The following PDE1A variants were observed in gnomAD, a reference collection of about 807,000 sequenced individuals.
The protein encoded by PDE1A is dual specificity calcium/calmodulin-dependent 3',5'-cyclic nucleotide phosphodiesterase 1A.
PDE1A carries 35 observed loss-of-function variants against 61.7 expected under a neutral mutation model. The ratio of observed to expected loss-of-function variants is 0.57; its 90% CI spans 0.43 to 0.75. The LOEUF (loss-of-function observed/expected upper bound fraction) is 0.75. PDE1A is among the 30% of genes least tolerant of loss of function. The pLI is 0.00. For synonymous variants in PDE1A, 232 were observed against 213.2 expected (o/e 1.09, Z -0.77); for missense variants, 597 against 630.6 (o/e 0.95, Z 0.57).
the PDE1A span, among the ~76,000 whole-genome samples, chr2:182,635,039 T>C: frequency 1.3e-5 from 2 of 151,692 alleles, no homozygotes; most frequent in Non-Finnish European, 2.9e-5. Context: ...GGACAATAAA[T>C]CAATTGGATA....
intron 1 of PDE1A, among the ~76,000 whole-genome samples, chr2:182,392,289 A>AG (rs1305922914): frequency 1.3e-5 from 2 of 152,220 alleles, no homozygotes; most frequent in African/African-American, 4.8e-5. Context: ...CAGCATGTGC[A>AG]GGGGAACTAC....
At chr2:182,608,490 C>T in the PDE1A span, among the ~76,000 whole-genome samples, 12 of 152,190 alleles carry the variant, frequency 7.9e-5, no homozygotes, top group Non-Finnish European at 1.5e-5. Flanking sequence ...CTGGGCTGCG[C>T]CAGGCGCTTG....
intron 2 of PDE1A, among the ~76,000 whole-genome samples, chr2:182,484,941 G>A (rs1687923189): frequency 6.6e-6 from 1 of 151,984 alleles, no homozygotes; most frequent in African/African-American, 2.4e-5. Flanking sequence ...TTCAACCAAT[G>A]TGAAAGACAG....
At chr2:182,692,672 A>AAT in the PDE1A span, among the ~76,000 whole-genome samples, 42 of 147,786 alleles carry the variant, frequency 2.8e-4, no homozygotes, top group South Asian at 8.5e-4. Flanking sequence ...GTATAATAAA[A>AAT]ATATATATAT....
intron 13 of PDE1A, among the ~76,000 whole-genome samples, chr2:182,173,262 T>G (rs1232757669): frequency 4.6e-5 from 7 of 152,076 alleles, no homozygotes; most frequent in Non-Finnish European, 1.0e-4. Flanking sequence ...GTCCAGATGA[T>G]GCTGATAGGC....
At chr2:182,527,223 T>G (rs1418634085), upstream of PDE1A, among the ~76,000 whole-genome samples, 1 of 145,522 alleles carries the variant, frequency 6.9e-6, no homozygotes, top group Admixed American at 6.9e-5. Flanking sequence ...ACCCAGCACT[T>G]TGGGAGGCCA....
At chr2:182,332,311 G>A (rs945251962) in intron 1 of PDE1A, among the ~76,000 whole-genome samples, 5 of 152,022 alleles carry the variant, frequency 3.3e-5, no homozygotes, top group Admixed American at 6.6e-5. Flanking sequence ...CCTTTAGCTC[G>A]GAGGAGTTTG....
chr2:182,468,642 G>A (rs1453916682), intron 2 of PDE1A, among the ~76,000 whole-genome samples: 1 of 151,872 alleles, frequency 6.6e-6, no homozygotes, highest in Non-Finnish European at 1.5e-5. Flanking sequence ...TGTTCTTAAT[G>A]GGATTTGGAA....
At chr2:182,688,004 G>C in the PDE1A span, among the ~76,000 whole-genome samples, 1 of 152,160 alleles carries the variant, frequency 6.6e-6, no homozygotes, top group Non-Finnish European at 1.5e-5. Flanking sequence ...AATGAACAAA[G>C]CCTCCAAGAA....
chr2:182,604,571 C>A, the PDE1A span, among the ~76,000 whole-genome samples: 1 of 152,154 alleles, frequency 6.6e-6, no homozygotes, highest in Non-Finnish European at 1.5e-5. Context: ...TCGAAAAAGA[C>A]AACCAATGAA....
intron 1 of PDE1A, among the ~76,000 whole-genome samples, chr2:182,280,375 T>C (rs1293433692): frequency 1.3e-5 from 2 of 151,924 alleles, no homozygotes; most frequent in East Asian, 3.9e-4. Flanking sequence ...ACATTTCCTG[T>C]TGGATTCCCT....
At chr2:182,282,480 A>G (rs1372991201) in intron 1 of PDE1A, among the ~76,000 whole-genome samples, 2 of 152,000 alleles carry the variant, frequency 1.3e-5, no homozygotes, top group Non-Finnish European at 2.9e-5. Context: ...TACTTAACTC[A>G]AGATTATGAA....
chr2:182,552,301 C>T, the PDE1A span, among the ~76,000 whole-genome samples: 4 of 152,120 alleles, frequency 2.6e-5, no homozygotes, highest in African/African-American at 9.7e-5. Flanking sequence ...GCATAAGCAA[C>T]TCCCCAAATT....
intron 1 of PDE1A, among the ~76,000 whole-genome samples, chr2:182,315,267 C>T (rs555555564): frequency 6.6e-6 from 1 of 152,200 alleles, no homozygotes; most frequent in African/African-American, 2.4e-5. Flanking sequence ...ACTATTATTA[C>T]TTTGAGCATA....
the PDE1A span, among the ~76,000 whole-genome samples, chr2:182,568,763 A>G: frequency 6.6e-6 from 1 of 152,164 alleles, no homozygotes. Context: ...AATTGCACTC[A>G]AAAAATTCAT....
downstream of PDE1A, chr2:182,142,789 A>C (rs1171594037): frequency 6.6e-6 from 1 of 152,204 alleles, no homozygotes. Context: ...TTGTCTCAAA[A>C]ATTTATCTGG....
rs1186036084 is a variant in PDE1A, at chr2:182,454,660, C to A, written c.101+67616G>T. On this transcript the variant is annotated intron_variant, in intron 2 of 14. Coordinates refer to the PDE1A transcript ENST00000410103. ...CTTTGACAAACCTGACAAAAACAAG[C>A]AATGGGGAAAGGATTCCCTATTTAA... 1.4e-4 allele frequency among the ~76,000 whole-genome samples: 21 copies of A among 151,662 alleles called. No individual in the cohort carries two copies. The South Asian group carries it at 1.5e-3, about 11-fold the overall frequency.
rs117999873 is a variant in PDE1A at position 182,264,563 on chromosome 2, G to T, written c.54-149C>A. 77 of 570,330 alleles carry T rather than the reference G, an allele frequency of 1.4e-4. 1 individual carries two copies. Among genetic ancestry groups the T allele is most frequent in the East Asian group, 5.7e-4 (20 of 35,040 alleles). The allele number at this position is 570,330 out of a possible 1,614,324, so 35.3% of individuals were successfully genotyped here. A position where few individuals can be genotyped will look rare whatever the true frequency, so the allele number is the denominator to read the frequency against. ...TAGCATTATTTTCAGATTTTTTTTT[G>T]ATATAATTAAGACCAGTCTTTATTA... On this transcript the variant is annotated intron_variant, in intron 1 of 13. Transcript: ENST00000351439.
chr2:182,479,076 A>C (rs1251248177), intron 2 of PDE1A, among the ~76,000 whole-genome samples: 1 of 151,890 alleles, frequency 6.6e-6, no homozygotes, highest in Admixed American at 6.6e-5. Context: ...AGTGAGGAAA[A>C]AGGATAAAAG....
Sources: allele counts gnomAD v4.1 joint callset (sites outside exome capture counted in the v4.1 genomes callset), GRCh38; gene constraint gnomAD v4.1.1; transcripts MANE v1.5; gene names NCBI Gene and HGNC (gene_info 2026-07-23, HGNC 2026-07-21).